MOV10L1: variants seen among roughly 807,000 people sequenced by gnomAD.
The protein encoded by MOV10L1 is Mov10 like RNA helicase 1, also known as RNA helicase Mov10l1.
A neutral mutation model predicts 143.8 loss-of-function variants in MOV10L1; 110 were observed. The observed-to-expected ratio is 0.76, with a 90% CI of 0.66 to 0.90. The LOEUF (loss-of-function observed/expected upper bound fraction) is 0.90, where lower values mean the gene tolerates loss of function less well. MOV10L1 is among the 40% of genes least tolerant of loss of function. The pLI is 0.00. For missense variants in MOV10L1, 1,406 were observed against 1,526.8 expected (o/e 0.92, Z 1.32); for synonymous variants, 593 against 581.1 (o/e 1.02, Z -0.29).
At position 50,161,651 on chromosome 22, in the gene MOV10L1, G is replaced by A; in HGVS notation, c.*202G>A. On this transcript the variant is annotated 3_prime_UTR_variant, in exon 27 of 27. Transcript: ENST00000262794. ...CTGTTCCTGCCACAGGGCAGTCACT[G>A]CCGCCTACCCTGAAATAAACCCTCG... The A allele has an allele frequency of 1.9e-6, 1 of 537,476 alleles. No individual in the cohort carries two copies. Among genetic ancestry groups the A allele is most frequent in the Non-Finnish European group, 3.3e-6 (1 of 303,718 alleles). The allele number at this position is 537,476 out of a possible 1,614,324, so 33.3% of individuals were successfully genotyped here.
intron 6 of MOV10L1, among the ~76,000 whole-genome samples, chr22:50,114,044 G>A (rs112918900): frequency 8.1e-5 from 12 of 147,874 alleles, no homozygotes; most frequent in African/African-American, 2.8e-4. Flanking sequence ...TCAGCCTCCC[G>A]AGTAGCTGGG....
intron 18 of MOV10L1, 42 bp from the exon 19 acceptor site, chr22:50,145,647 T>C: frequency 1.9e-6 from 3 of 1,606,484 alleles, no homozygotes; most frequent in Non-Finnish European, 2.6e-6. Flanking sequence ...TTCTGCTTAA[T>C]AATTGGAGGA....
chr22:50,132,534 C>T (rs1021805031), intron 13 of MOV10L1, among the ~76,000 whole-genome samples: 2 of 151,790 alleles, frequency 1.3e-5, no homozygotes, highest in African/African-American at 4.8e-5. Flanking sequence ...GATCTTTTGT[C>T]AGTTATACCT....
At chr22:50,137,832 T>A (rs1028894117) in intron 15 of MOV10L1, among the ~76,000 whole-genome samples, 1 of 64,764 alleles carries the variant, frequency 1.5e-5, no homozygotes, top group African/African-American at 3.9e-5. Flanking sequence ...TATACATATT[T>A]TATATATACA....
At chr22:50,145,455 G>A (rs769502524) in intron 18 of MOV10L1, among the ~76,000 whole-genome samples, 2 of 152,134 alleles carry the variant, frequency 1.3e-5, no homozygotes, top group Non-Finnish European at 2.9e-5. Context: ...AAACTGAATA[G>A]AAAATGTACA....
Position 50,122,960 on chromosome 22 carries a change from T to C in MOV10L1, c.1569+2344T>C, listed in dbSNP as rs769826159. ...GCCTTGGCCTCCCAAAGTGTTGGAATTACAGGCAAGTATGGGTGTGAGCCA... is the reference window on the plus strand; with the variant it reads ...GCCTTGGCCTCCCAAAGTGTTGGAACTACAGGCAAGTATGGGTGTGAGCCA... On this transcript the variant is annotated intron_variant, in intron 10 of 26. Transcript: ENST00000262794. 4.6e-4 allele frequency among the ~76,000 whole-genome samples: 70 copies of C among 151,996 alleles called. 1 individual carries two copies. The highest frequency in any genetic ancestry group is 8.5e-4 in the Admixed American group (13 of 15,260).
chr22:50,100,781 A>AG (rs2061726473), intron 3 of MOV10L1, among the ~76,000 whole-genome samples: 1 of 152,264 alleles, frequency 6.6e-6, no homozygotes, highest in Non-Finnish European at 1.5e-5. Flanking sequence ...CTGGGATTAC[A>AG]GGCGTGAGCC....
chr22:50,116,814 T>A (rs1468025056), intron 8 of MOV10L1, among the ~76,000 whole-genome samples: 1 of 151,820 alleles, frequency 6.6e-6, no homozygotes, highest in Non-Finnish European at 1.5e-5. Flanking sequence ...CGCCTCCATG[T>A]CCGGCTAATT....
chr22:50,149,374 C>T, intron 19 of MOV10L1: 1 of 523,354 alleles, frequency 1.9e-6, no homozygotes. Context: ...CTTCCCTCCA[C>T]ATCTCTAGAA....
At chr22:50,129,969 C>T (rs1228312208) in intron 13 of MOV10L1, among the ~76,000 whole-genome samples, 1 of 152,108 alleles carries the variant, frequency 6.6e-6, no homozygotes, top group Non-Finnish European at 1.5e-5. Flanking sequence ...CAGATTTCTT[C>T]CTTATCTTTT....
intron 1 of MOV10L1, chr22:50,090,619 C>T: frequency 7.0e-7 from 1 of 1,420,840 alleles, no homozygotes; most frequent in Non-Finnish European, 9.7e-7. Flanking sequence ...TCAAGCCCAT[C>T]TTTCTAAAGC....
chr22:50,146,677 C>T (rs980921417), intron 19 of MOV10L1, among the ~76,000 whole-genome samples: 6 of 152,066 alleles, frequency 3.9e-5, no homozygotes, highest in South Asian at 4.2e-4. Context: ...AGACAGGTCA[C>T]CCTGGACAGT....
At chr22:50,125,593 C>T (rs761649231) in intron 11 of MOV10L1, 24 bp downstream of exon 11, 4 of 1,605,264 alleles carry the variant, frequency 2.5e-6, no homozygotes, top group Non-Finnish European at 3.4e-6. Context: ...TCATATGCTT[C>T]CCTGGGTGGA....
Position 50,117,145 on chromosome 22 carries a change from G to T in MOV10L1, c.1260-12G>T. 1 of 1,586,698 alleles carries T rather than the reference G, an allele frequency of 6.3e-7. No individual in the cohort carries two copies. Among genetic ancestry groups the T allele is most frequent in the Non-Finnish European group, 8.6e-7 (1 of 1,167,814 alleles). On this transcript the variant is annotated splice_polypyrimidine_tract_variant and intron_variant, in intron 8 of 26. Transcript: ENST00000262794. ...TATGACTAAAACTAAATTTCATTTT[G>T]TTTTTTTCAAGAAATCCTGGCCGCT...
chr22:50,141,782 G>A (rs1286234533), intron 15 of MOV10L1, among the ~76,000 whole-genome samples: 1 of 152,184 alleles, frequency 6.6e-6, no homozygotes. Flanking sequence ...CAGGTAGGAT[G>A]TACCAAGGGA....
chr22:50,090,487 C>T (rs9617018), intron 1 of MOV10L1: 232,505 of 1,609,256 alleles, frequency 0.14, 18,244 homozygotes, highest in Admixed American at 0.32. Flanking sequence ...TGTCGTTCCT[C>T]CCTGTCCGCA....
chr22:50,120,739 TG>T, intron 10 of MOV10L1, 123 bp downstream of exon 10: 1 of 719,794 alleles, frequency 1.4e-6, no homozygotes. Flanking sequence ...CACAGGTAGC[TG>T]GGATAACGAG....
intron 20 of MOV10L1, among the ~76,000 whole-genome samples, 159 bp downstream of exon 20, chr22:50,149,873 T>C (rs542948768): frequency 6.6e-6 from 1 of 152,356 alleles, no homozygotes; most frequent in Admixed American, 6.5e-5. Flanking sequence ...TATTGTACTT[T>C]ATTCCTTTTG....
chr22:50,115,576 G>A (rs1020095770), intron 8 of MOV10L1, among the ~76,000 whole-genome samples: 1 of 152,156 alleles, frequency 6.6e-6, no homozygotes, highest in African/African-American at 2.4e-5. Flanking sequence ...TACACCTGAC[G>A]TTTTTGATGT....
Sources: allele counts gnomAD v4.1 joint callset (sites outside exome capture counted in the v4.1 genomes callset), GRCh38; gene constraint gnomAD v4.1.1; transcripts MANE v1.5; gene names NCBI Gene and HGNC (gene_info 2026-07-23, HGNC 2026-07-21).